PHYHIPL: variants seen among roughly 807,000 people sequenced by gnomAD.
PHYHIPL encodes the protein phytanoyl-CoA 2-hydroxylase interacting protein like.
PHYHIPL carries 9 observed loss-of-function variants against 33.4 expected under a neutral mutation model. The ratio of observed to expected loss-of-function variants is 0.27; its 90% CI spans 0.16 to 0.47. The LOEUF is 0.47. Ranked by LOEUF, PHYHIPL falls within the 20% of genes least tolerant of loss-of-function variation. PHYHIPL has a pLI of 0.99. For missense variants in PHYHIPL, 365 were observed against 460.7 expected, an observed-to-expected ratio of 0.79 and a Z score of 1.90; for synonymous variants, 153 against 154.1, an observed-to-expected ratio of 0.99 and a Z score of 0.05.
chr10:59,244,118 C>T (rs1840524754), intron 4 of PHYHIPL, among the ~76,000 whole-genome samples: 2 of 152,074 alleles, frequency 1.3e-5, no homozygotes, highest in Non-Finnish European at 2.9e-5. Context: ...TGGAAGTGGC[C>T]AAGGGATAAG....
intron 1 of PHYHIPL, among the ~76,000 whole-genome samples, chr10:59,214,396 A>G (rs563530181): frequency 6.6e-6 from 1 of 152,130 alleles, no homozygotes; most frequent in African/African-American, 2.4e-5. Context: ...GAAGTATTCC[A>G]AGTGATTTGA....
intron 1 of PHYHIPL, among the ~76,000 whole-genome samples, chr10:59,200,088 A>G (rs1231481928): frequency 6.6e-6 from 1 of 152,090 alleles, no homozygotes; most frequent in East Asian, 1.9e-4. Flanking sequence ...AACTTCCAAC[A>G]TTATGTTGAA....
chr10:59,223,300 T>A lies in PHYHIPL; in HGVS notation c.107-11004T>A, dbSNP rs1839830678. Among the ~76,000 whole-genome samples the A allele has an allele frequency of 2.0e-5, 3 of 152,246 alleles. No individual in the cohort carries two copies. The South Asian group carries it at 6.2e-4, about 31-fold the overall frequency. On this transcript the variant is annotated intron_variant, in intron 1 of 4. Transcript: ENST00000373880. ...TTAACTTTGTTCGATCCTTCTTGGA[T>A]CAGTCTTGCAATTCATTCTTGTCTT...
intron 1 of PHYHIPL, among the ~76,000 whole-genome samples, chr10:59,195,858 T>C (rs1217504795): frequency 6.6e-6 from 1 of 152,110 alleles, no homozygotes; most frequent in Non-Finnish European, 1.5e-5. Context: ...GTTTATGAAC[T>C]CCAGAAGGCA....
chr10:59,184,686 T>C (rs2048107127), intron 1 of PHYHIPL, among the ~76,000 whole-genome samples: 1 of 151,878 alleles, frequency 6.6e-6, no homozygotes, highest in African/African-American at 2.4e-5. Flanking sequence ...TTAGGGTACA[T>C]GTGCACAACG....
intron 4 of PHYHIPL, among the ~76,000 whole-genome samples, chr10:59,239,867 C>CT (rs1840338892): frequency 2.8e-4 from 1 of 3,522 alleles, no homozygotes; most frequent in African/African-American, 3.0e-4. Flanking sequence ...ACTTCAGACT[C>CT]TAAAGCATCT....
intron 2 of PHYHIPL, 146 bp downstream of exon 2, chr10:59,234,646 ACC>A: frequency 2.1e-6 from 1 of 468,094 alleles, no homozygotes; most frequent in Non-Finnish European, 3.6e-6. Context: ...TAACTCTAAA[ACC>A]CTATCATTCT....
chr10:59,214,817 A>G (rs1839566316), intron 1 of PHYHIPL, among the ~76,000 whole-genome samples: 1 of 152,068 alleles, frequency 6.6e-6, no homozygotes. Flanking sequence ...CTTATTGCCC[A>G]GATGATGGTA....
intron 1 of PHYHIPL, among the ~76,000 whole-genome samples, chr10:59,226,790 C>G (rs967839852): frequency 2.0e-5 from 3 of 152,044 alleles, no homozygotes; most frequent in African/African-American, 7.2e-5. Flanking sequence ...AGAAAAATAA[C>G]TTCTAGTAAA....
rs776314609 is a variant in PHYHIPL, at chr10:59,176,973, G to A, written c.106+14G>A. On this transcript the variant is annotated intron_variant, in intron 1 of 4. Coordinates refer to ENST00000373880, the MANE Select transcript of PHYHIPL (RefSeq NM_032439.4). ...GCGACCGGGACGGTAAGAGCGGCCG[G>A]GACCGCGAGGAAAGGGACAGAGTTC... 6.2e-7 allele frequency: 1 copy of A among 1,608,850 alleles called. No individual in the cohort carries two copies. Among genetic ancestry groups the A allele is most frequent in the African/African-American group, 1.3e-5 (1 of 74,988 alleles).
chr10:59,185,204 A>G (rs1224871838), intron 1 of PHYHIPL, among the ~76,000 whole-genome samples: 1 of 151,508 alleles, frequency 6.6e-6, no homozygotes, highest in Non-Finnish European at 1.5e-5. Flanking sequence ...TTTAGCCGGG[A>G]TGGTCTCGAT....
At chr10:59,238,500 G>A (rs1273717643) in intron 3 of PHYHIPL, 88 bp from the exon 4 acceptor site, 10 of 679,728 alleles carry the variant, frequency 1.5e-5, no homozygotes, top group Admixed American at 4.9e-5. Flanking sequence ...CCCTAGAGGT[G>A]AATTTTAATA....
chr10:59,236,104 A>G (rs1334306632), intron 2 of PHYHIPL, among the ~76,000 whole-genome samples: 1 of 151,948 alleles, frequency 6.6e-6, no homozygotes, highest in Non-Finnish European at 1.5e-5. Context: ...AAATCAAGAA[A>G]ACTGGAATCC....
intron 1 of PHYHIPL, among the ~76,000 whole-genome samples, chr10:59,218,142 T>C (rs754672969): frequency 6.6e-6 from 1 of 152,120 alleles, no homozygotes; most frequent in Non-Finnish European, 1.5e-5. Flanking sequence ...ATAATTATAT[T>C]TTCTTCTTAT....
chr10:59,225,076 A>C (rs2133266334), intron 1 of PHYHIPL, among the ~76,000 whole-genome samples: 1 of 148,884 alleles, frequency 6.7e-6, no homozygotes, highest in East Asian at 2.0e-4. Flanking sequence ...AAGAATTTCC[A>C]AGTAAGATGG....
intron 1 of PHYHIPL, among the ~76,000 whole-genome samples, chr10:59,201,886 A>G (rs1839130078): frequency 6.6e-6 from 1 of 152,206 alleles, no homozygotes; most frequent in Non-Finnish European, 1.5e-5. Flanking sequence ...TTTTTAAATA[A>G]TCTATCAGAG....
chr10:59,220,795 A>C (rs1008377856), intron 1 of PHYHIPL, among the ~76,000 whole-genome samples: 13 of 152,064 alleles, frequency 8.5e-5, no homozygotes, highest in Admixed American at 6.6e-5. Flanking sequence ...CTTCTCTTTT[A>C]CATCAGTTAT....
At chr10:59,236,428 C>T (rs546341828) in intron 2 of PHYHIPL, 55 bp from the exon 3 acceptor site, 10 of 1,137,032 alleles carry the variant, frequency 8.8e-6, no homozygotes, top group African/African-American at 6.4e-5. Flanking sequence ...TCACTTCCTT[C>T]GTCCCTCTCT....
intron 1 of PHYHIPL, among the ~76,000 whole-genome samples, chr10:59,221,121 C>G (rs1038713694): frequency 1.3e-5 from 2 of 151,962 alleles, no homozygotes; most frequent in African/African-American, 4.8e-5. Context: ...AAATTACCAT[C>G]TAGTCTTTCT....
Sources: gnomAD v4.1 joint callset for allele counts (sites outside exome capture counted in the v4.1 genomes callset) on GRCh38, gnomAD v4.1.1 for gene constraint, MANE v1.5 for transcripts, NCBI Gene and HGNC (gene_info 2026-07-23, HGNC 2026-07-21) for gene names.